The following TRIO variants were observed in gnomAD, a reference collection of about 807,000 sequenced individuals.
TRIO encodes the protein triple functional domain protein.
TRIO carries 58 observed loss-of-function variants against 351.9 expected under a neutral mutation model. The ratio of observed to expected loss-of-function variants is 0.16; its 90% CI spans 0.13 to 0.21. The LOEUF is 0.21. Among genes scored for constraint, TRIO ranks in the 10% least tolerant of loss-of-function variants. TRIO has a pLI of 1.00. For synonymous variants in TRIO, 1,758 were observed against 1,595.7 expected, an observed-to-expected ratio of 1.10 and a Z score of -2.42; for missense variants, 3,201 against 4,027.8, an observed-to-expected ratio of 0.79 and a Z score of 5.56.
intron 55 of TRIO, among the ~76,000 whole-genome samples, chr5:14,506,521 G>A (rs898022526): frequency 1.3e-5 from 2 of 152,202 alleles, no homozygotes; most frequent in Non-Finnish European, 2.9e-5. Context: ...TATCAAATGG[G>A]TACACTAAGG....
chr5:14,461,304 T>C lies in TRIO; in HGVS notation c.5489T>C (p.Val1830Ala). 2 of 1,572,510 alleles carry C rather than the reference T, an allele frequency of 1.3e-6. No individual in the cohort carries two copies. Among genetic ancestry groups the C allele is most frequent in the Non-Finnish European group, 8.6e-7 (1 of 1,158,668 alleles). The change falls in exon 35 of 57, where the codon GTC becomes GCC. Residue 1830 changes from valine to alanine, a missense_variant. Val to Ala is a moderately conservative substitution (Grantham distance 64). Transcript: ENST00000344204. ...GCGGCCACCCCGCAGGACGAGACGG[T>C]CGAGGAGGTGAGGCTCTGCCCGCTG... Reference protein sequence around the residue: ...DSAATPQDETVEERGRNEGLS... With the variant: ...DSAATPQDETAEERGRNEGLS...
In TRIO at chr5:14,462,779, A is replaced by C. The variant is rs1292652060; in HGVS notation, c.5521A>C (p.Ser1841Arg). The C allele has an allele frequency of 6.2e-7, 1 of 1,614,220 alleles. No homozygotes were observed. The highest frequency in any genetic ancestry group is 1.3e-5 in the African/African-American group (1 of 75,066). ...EERGRNEGLS[S>R]GTLSKSSSSG... is the part of the protein sequence containing the mutation. ...GAGAGGCCGGAACGAGGGCCTGAGC[A>C]GCGGTACTCTCTCCAAATCCTCCTC... Residue 1841 changes from serine to arginine, a missense_variant, in exon 36 of 57, where the codon AGC becomes CGC. Around this residue, in one of 19 missense-constraint regions of TRIO, gnomAD observed 7 missense variants for 28.2 expected, o/e 0.25. Coordinates refer to ENST00000344204, the MANE Select transcript of TRIO (RefSeq NM_007118.4).
At chr5:14,311,461 A>G (rs771499533) in intron 8 of TRIO, among the ~76,000 whole-genome samples, 27 of 152,218 alleles carry the variant, frequency 1.8e-4, no homozygotes, top group Non-Finnish European at 1.5e-4. Flanking sequence ...ATGGGAAAGT[A>G]TCTGTCGTTG....
chr5:14,358,090 G>A lies in TRIO; in HGVS notation c.2047-88G>A, dbSNP rs539366177. The A allele has an allele frequency of 2.7e-5, 39 of 1,466,868 alleles. No individual in the cohort carries two copies. The African/African-American group carries it at 4.5e-4, about 17-fold the overall frequency. The allele number at this position is 1,466,868 out of a possible 1,614,324, so 90.9% of individuals were successfully genotyped here. A position where few individuals can be genotyped will look rare whatever the true frequency, so the allele number is the denominator to read the frequency against. ...CCCCTCCCAGGGCAAGTCACACACCGTCTCCACTGGGGCCCCTTGGACACC... is the reference window on the plus strand; with the variant it reads ...CCCCTCCCAGGGCAAGTCACACACCATCTCCACTGGGGCCCCTTGGACACC... On this transcript the variant is annotated intron_variant, in intron 11 of 56. Coordinates refer to ENST00000344204, the MANE Select transcript of TRIO (RefSeq NM_007118.4).
chr5:14,461,249 G>A lies in TRIO; in HGVS notation c.5434G>A (p.Ala1812Thr), dbSNP rs770747129. 5.7e-6 allele frequency: 9 copies of A among 1,592,444 alleles called. No homozygotes were observed. The African/African-American group carries it at 6.7e-5, about 12-fold the overall frequency. ...KSREVRKSAD[A>T]GSQKDSDDSA... ...CCGCGAGGTCCGCAAGAGCGCCGAC[G>A]CCGGCTCGCAGAAGGACTCCGACGA... The change falls in exon 35 of 57, where the codon GCC becomes ACC. Residue 1812 changes from alanine (A) to threonine (T), a missense_variant. Ala to Thr is a moderately conservative substitution (Grantham distance 58). This residue lies in a region of TRIO where 193 missense variants were observed against 218.8 expected (regional missense o/e 0.88). Transcript: ENST00000344204.
At chr5:14,481,089 G>A in intron 43 of TRIO, 145 bp from the exon 44 acceptor site, 3 of 801,822 alleles carry the variant, frequency 3.7e-6, no homozygotes, top group South Asian at 4.0e-5. Context: ...TACTCAGGAG[G>A]CCAAAGCAAG....
At chr5:14,264,777 A>G (rs1257804820) in intron 1 of TRIO, among the ~76,000 whole-genome samples, 1 of 152,238 alleles carries the variant, frequency 6.6e-6, no homozygotes, top group East Asian at 1.9e-4. Flanking sequence ...CGGGCTCCGC[A>G]GAGAAGTGGC....
Position 14,488,014 on chromosome 5 carries a change from C to T in TRIO, c.7386C>T (p.Ser2462=). Residue 2462 remains serine, a synonymous_variant, in exon 48 of 57, where the codon TCC becomes TCT. Coordinates refer to ENST00000344204, the MANE Select transcript of TRIO (RefSeq NM_007118.4). ...GAASPLNSPL[S]SAVPSLGKEP... ...CTTCGCCGCTGAACTCGCCGCTCTCCAGCGCGGTCCCTTCTCTCGGCAAGG... is the reference window on the plus strand; with the variant it reads ...CTTCGCCGCTGAACTCGCCGCTCTCTAGCGCGGTCCCTTCTCTCGGCAAGG... 6.3e-7 allele frequency: 1 copy of T among 1,588,680 alleles called. No homozygotes were observed. Among genetic ancestry groups the T allele is most frequent in the South Asian group, 1.1e-5 (1 of 87,462 alleles).
chr5:14,185,205 A>G (rs922864396), intron 1 of TRIO, among the ~76,000 whole-genome samples: 1 of 145,408 alleles, frequency 6.9e-6, no homozygotes, highest in African/African-American at 2.5e-5. Context: ...TTTCTTCTAA[A>G]GGCTAATAGT....
rs1754678778 is a variant in TRIO at position 14,471,434 on chromosome 5, A to G, written c.5880A>G (p.Glu1960=). The G allele has an allele frequency of 6.2e-7, 1 of 1,614,082 alleles. No homozygotes were observed. The highest frequency in any genetic ancestry group is 1.3e-5 in the African/African-American group (1 of 74,938). ...LSSSSPIDEM[E]ERKSSSLKRR... is the part of the protein sequence containing the mutation. ...CCTCCTCGCCCATTGATGAGATGGA[A>G]GAAAGGAAATCCAGCTCTTTAAAGA... is the stretch of plus-strand genomic sequence containing the variant. The change falls in exon 38 of 57, where the codon GAA becomes GAG. Residue 1960 remains glutamate, a synonymous_variant. Transcript: ENST00000344204.
intron 1 of TRIO, among the ~76,000 whole-genome samples, chr5:14,165,869 C>G (rs903615950): frequency 6.6e-6 from 1 of 152,224 alleles, no homozygotes; most frequent in African/African-American, 2.4e-5. Flanking sequence ...GCCAACCATC[C>G]TGGGATGGTA....
At chr5:14,230,155 G>C (rs1448082242) in intron 1 of TRIO, among the ~76,000 whole-genome samples, 1 of 152,124 alleles carries the variant, frequency 6.6e-6, no homozygotes, top group Non-Finnish European at 1.5e-5. Context: ...TTCTGAAGAG[G>C]TGGACAGTTT....
intron 1 of TRIO, among the ~76,000 whole-genome samples, chr5:14,151,997 T>A (rs1231837467): frequency 6.6e-6 from 1 of 152,236 alleles, no homozygotes; most frequent in Non-Finnish European, 1.5e-5. Context: ...CCTCTGTTTT[T>A]TATTCTGAAG....
Position 14,471,416 on chromosome 5 carries a change from G to A in TRIO, c.5862G>A (p.Ser1954=), listed in dbSNP as rs747004644. The A allele has an allele frequency of 2.8e-5, 45 of 1,613,862 alleles. No homozygotes were observed. The Admixed American group carries it at 6.2e-4, about 22-fold the overall frequency. ...ATAATTCCCTTCTCTCTTCCTCCTC[G>A]CCCATTGATGAGATGGAAGAAAGGA... ...PSDNSLLSSS[S]PIDEMEERKS... Residue 1954 remains serine (S), a synonymous_variant, in exon 38 of 57, where the codon TCG becomes TCA. Transcript: ENST00000344204.
intron 1 of TRIO, among the ~76,000 whole-genome samples, chr5:14,261,041 G>A (rs929859643): frequency 1.3e-5 from 2 of 152,136 alleles, no homozygotes; most frequent in Non-Finnish European, 2.9e-5. Flanking sequence ...TTGTTTATCT[G>A]TGGAGGAAAC....
intron 1 of TRIO, among the ~76,000 whole-genome samples, chr5:14,254,316 T>C (rs146918580): frequency 0.15 from 22,187 of 151,988 alleles, 2,545 homozygotes; most frequent in African/African-American, 0.32. Flanking sequence ...CCCAAGTAGC[T>C]GGGATTACAG....
chr5:14,189,021 C>A (rs971079307), intron 1 of TRIO, among the ~76,000 whole-genome samples: 1 of 152,170 alleles, frequency 6.6e-6, no homozygotes, highest in African/African-American at 2.4e-5. Flanking sequence ...TGAGTTTTTA[C>A]CACAGATGTT....
chr5:14,221,275 A>C (rs1182849419), intron 1 of TRIO, among the ~76,000 whole-genome samples: 1 of 152,156 alleles, frequency 6.6e-6, no homozygotes, highest in Non-Finnish European at 1.5e-5. Context: ...ACACCTAGTC[A>C]CCCAAGAGCT....
intron 8 of TRIO, among the ~76,000 whole-genome samples, chr5:14,307,598 G>A (rs994066045): frequency 6.6e-6 from 1 of 152,214 alleles, no homozygotes; most frequent in African/African-American, 2.4e-5. Context: ...GCTATGAGTA[G>A]TGTTCATCTT....
Sources: allele counts gnomAD v4.1 joint callset (sites outside exome capture counted in the v4.1 genomes callset), GRCh38; gene constraint gnomAD v4.1.1; regional missense constraint gnomAD v4.1.1; transcripts MANE v1.5; gene names NCBI Gene and HGNC (gene_info 2026-07-23, HGNC 2026-07-21).